Variants in GRID2 observed in about 807,000 individuals in gnomAD.
GRID2 encodes the protein glutamate receptor ionotropic, delta-2.
Under a neutral mutation model 114.8 loss-of-function variants are expected in GRID2, and 33 were observed. The observed-to-expected ratio is 0.29, with a 90% CI of 0.22 to 0.38. GRID2 has a LOEUF of 0.38. Ranked by LOEUF, GRID2 falls within the 10% of genes least tolerant of loss-of-function variation. The probability of loss-of-function intolerance (pLI) is 1.00; values close to 1 mark genes in which losing one functional copy is unlikely to be tolerated. For synonymous variants in GRID2, 505 were observed against 449.9 expected, an observed-to-expected ratio of 1.12 and a Z score of -1.55; for missense variants, 1,184 against 1,257.7, an observed-to-expected ratio of 0.94 and a Z score of 0.89.
intron 1 of GRID2, among the ~76,000 whole-genome samples, chr4:92,533,772 C>CT (rs2149154260): frequency 6.6e-6 from 1 of 152,126 alleles, no homozygotes; most frequent in Admixed American, 6.6e-5. Flanking sequence ...GGAAATAAAT[C>CT]TAAAAAGTCA....
At chr4:93,375,725 ACT>A (rs1763315045) in intron 8 of GRID2, among the ~76,000 whole-genome samples, 1 of 152,088 alleles carries the variant, frequency 6.6e-6, no homozygotes, top group Non-Finnish European at 1.5e-5. Context: ...GTGAAAACAA[ACT>A]CTACCTCAGG....
chr4:93,206,171 A>T (rs1238113773), intron 4 of GRID2, among the ~76,000 whole-genome samples: 1 of 152,130 alleles, frequency 6.6e-6, no homozygotes, highest in African/African-American at 2.4e-5. Flanking sequence ...ACCTCAATAA[A>T]GTCACAGGGA....
chr4:93,199,087 A>G (rs1414781688), intron 4 of GRID2, among the ~76,000 whole-genome samples: 1 of 152,144 alleles, frequency 6.6e-6, no homozygotes, highest in Non-Finnish European at 1.5e-5. Flanking sequence ...TTACCATATT[A>G]GCATATGGTA....
At chr4:92,714,149 A>G (rs922139741) in intron 2 of GRID2, among the ~76,000 whole-genome samples, 3 of 152,198 alleles carry the variant, frequency 2.0e-5, no homozygotes, top group African/African-American at 7.2e-5. Context: ...GCCATTTGAA[A>G]TGGGAGAAAT....
At chr4:92,590,718 C>T (rs1207047489) in intron 2 of GRID2, among the ~76,000 whole-genome samples, 1 of 152,134 alleles carries the variant, frequency 6.6e-6, no homozygotes, top group Non-Finnish European at 1.5e-5. Context: ...TTGGACACTA[C>T]ATACAAATCA....
intron 2 of GRID2, among the ~76,000 whole-genome samples, chr4:92,768,308 GA>G (rs1185980907): frequency 1.2e-4 from 18 of 151,720 alleles, no homozygotes; most frequent in Non-Finnish European, 1.8e-4. Flanking sequence ...TTTTACCTTT[GA>G]AAAAAAATTT....
intron 2 of GRID2, among the ~76,000 whole-genome samples, chr4:92,942,851 A>C (rs1751273059): frequency 6.6e-6 from 1 of 152,122 alleles, no homozygotes; most frequent in African/African-American, 2.4e-5. Context: ...CTGGATATGA[A>C]ATTCTGGGTT....
intron 2 of GRID2, among the ~76,000 whole-genome samples, chr4:92,948,571 A>T (rs934875491): frequency 1.3e-5 from 2 of 151,930 alleles, no homozygotes; most frequent in African/African-American, 4.8e-5. Flanking sequence ...TCAAAATCAG[A>T]ATTAGTGCAT....
intron 2 of GRID2, among the ~76,000 whole-genome samples, chr4:92,696,023 A>G (rs920994931): frequency 6.6e-6 from 1 of 152,174 alleles, no homozygotes; most frequent in Non-Finnish European, 1.5e-5. Context: ...GCTTCACTAA[A>G]TAATACTGTT....
At chr4:93,275,105 C>T (rs1383445886) in intron 8 of GRID2, among the ~76,000 whole-genome samples, 1 of 151,892 alleles carries the variant, frequency 6.6e-6, no homozygotes, top group Non-Finnish European at 1.5e-5. Flanking sequence ...AACCATTAAT[C>T]TACTTTATCT....
intron 1 of GRID2, among the ~76,000 whole-genome samples, chr4:92,425,029 T>A (rs1298729177): frequency 6.6e-6 from 1 of 152,034 alleles, no homozygotes; most frequent in Non-Finnish European, 1.5e-5. Context: ...GTTAAATTTT[T>A]AATTGTGTTG....
chr4:92,950,321 T>G (rs919141887), intron 2 of GRID2, among the ~76,000 whole-genome samples: 1 of 152,176 alleles, frequency 6.6e-6, no homozygotes, highest in Non-Finnish European at 1.5e-5. Flanking sequence ...AATGTAAATC[T>G]TGGACATAAA....
At chr4:92,519,336 C>G (rs1472139760) in intron 1 of GRID2, among the ~76,000 whole-genome samples, 4 of 151,534 alleles carry the variant, frequency 2.6e-5, no homozygotes, top group Non-Finnish European at 5.9e-5. Flanking sequence ...ATGAGATATG[C>G]CATTAGTAAT....
intron 4 of GRID2, among the ~76,000 whole-genome samples, chr4:93,195,591 A>G (rs1741406566): frequency 6.6e-6 from 1 of 152,190 alleles, no homozygotes; most frequent in African/African-American, 2.4e-5. Flanking sequence ...GAGGTGGGAC[A>G]TGTCAATACA....
chr4:93,703,992 A>G (rs545992239), intron 14 of GRID2, among the ~76,000 whole-genome samples: 11 of 152,062 alleles, frequency 7.2e-5, no homozygotes, highest in African/African-American at 2.2e-4. Context: ...ATGATTTATA[A>G]TCCTTTGGGT....
chr4:93,604,917 A>G (rs1740058355), intron 13 of GRID2, among the ~76,000 whole-genome samples: 1 of 152,198 alleles, frequency 6.6e-6, no homozygotes. Context: ...CATAACCTTT[A>G]TATGTACTGG....
At chr4:92,587,865 G>A (rs1017264169) in intron 1 of GRID2, among the ~76,000 whole-genome samples, 4 of 152,110 alleles carry the variant, frequency 2.6e-5, no homozygotes, top group African/African-American at 9.7e-5. Flanking sequence ...TACCAATACA[G>A]CAGAAGTCAA....
intron 1 of GRID2, among the ~76,000 whole-genome samples, chr4:92,520,520 T>G (rs989554691): frequency 6.6e-6 from 1 of 151,970 alleles, no homozygotes; most frequent in Non-Finnish European, 1.5e-5. Context: ...GCTGATTGTG[T>G]TTCTTTACCA....
At chr4:93,025,043 A>G in intron 2 of GRID2, among the ~76,000 whole-genome samples, 1 of 151,652 alleles carries the variant, frequency 6.6e-6, no homozygotes, top group East Asian at 1.9e-4. Flanking sequence ...GCACAAACCT[A>G]GCACACAGTA....
Sources: allele counts gnomAD v4.1 joint callset (sites outside exome capture counted in the v4.1 genomes callset), GRCh38; gene constraint gnomAD v4.1.1; transcripts MANE v1.5; gene names NCBI Gene and HGNC (gene_info 2026-07-23, HGNC 2026-07-21).